The following STARD13 variants were observed in gnomAD, a reference collection of about 807,000 sequenced individuals.
STARD13 encodes stAR-related lipid transfer protein 13.
Under a neutral mutation model 106.4 loss-of-function variants are expected in STARD13, and 62 were observed. That is an observed-to-expected ratio of 0.58 (90% CI 0.48 to 0.72). The LOEUF (loss-of-function observed/expected upper bound fraction) is 0.72, where lower values mean the gene tolerates loss of function less well. Among genes scored for constraint, STARD13 ranks in the 30% least tolerant of loss-of-function variants. The pLI is 0.00. For synonymous variants in STARD13, 565 were observed against 553.0 expected, an observed-to-expected ratio of 1.02 and a Z score of -0.31; for missense variants, 1,387 against 1,424.0, an observed-to-expected ratio of 0.97 and a Z score of 0.42.
chr13:33,670,962 G>T, the STARD13 span, among the ~76,000 whole-genome samples: 2 of 152,112 alleles, frequency 1.3e-5, no homozygotes. Flanking sequence ...TTGCCTAAAA[G>T]CAATTTGACA....
the STARD13 span, among the ~76,000 whole-genome samples, chr13:33,432,554 T>C: frequency 6.6e-6 from 1 of 152,234 alleles, no homozygotes; most frequent in South Asian, 2.1e-4. Context: ...CAGAGATTAA[T>C]GTATTTCAAA....
intron 1 of STARD13, among the ~76,000 whole-genome samples, chr13:33,190,738 C>G (rs965701296): frequency 6.6e-6 from 1 of 151,974 alleles, no homozygotes; most frequent in African/African-American, 2.4e-5. Context: ...AGGCACATAC[C>G]ACCACGCCTG....
chr13:33,443,718 T>G, the STARD13 span, among the ~76,000 whole-genome samples: 1 of 151,574 alleles, frequency 6.6e-6, no homozygotes, highest in South Asian at 2.1e-4. Flanking sequence ...ACCCCGTCTC[T>G]ACTGAAAATA....
At chr13:33,606,301 CAAAAAGAA>C in the STARD13 span, among the ~76,000 whole-genome samples, 7 of 150,826 alleles carry the variant, frequency 4.6e-5, no homozygotes, top group Non-Finnish European at 1.0e-4. Context: ...AACTCCATCT[CAAAAAGAA>C]AAAAAGAAAA....
the STARD13 span, among the ~76,000 whole-genome samples, chr13:33,504,582 A>T: frequency 7.7e-6 from 1 of 130,564 alleles, no homozygotes; most frequent in Non-Finnish European, 1.6e-5. Context: ...AGGGTGGGGA[A>T]CATCACACAC....
At chr13:33,417,660 A>G in the STARD13 span, among the ~76,000 whole-genome samples, 1 of 152,200 alleles carries the variant, frequency 6.6e-6, no homozygotes, top group Non-Finnish European at 1.5e-5. Context: ...GAGAGTAGCC[A>G]GTTGAAAAGA....
chr13:33,525,211 C>G, the STARD13 span, among the ~76,000 whole-genome samples: 2 of 152,084 alleles, frequency 1.3e-5, no homozygotes, highest in South Asian at 4.2e-4. Context: ...TTTGTAGAGA[C>G]AGGGTCTCGC....
the STARD13 span, among the ~76,000 whole-genome samples, chr13:33,403,907 A>G: frequency 2.0e-5 from 3 of 152,186 alleles, no homozygotes; most frequent in East Asian, 3.9e-4. Context: ...TCACTCTCCT[A>G]TATAAATTCT....
At chr13:33,356,278 C>A in the STARD13 span, among the ~76,000 whole-genome samples, 1 of 152,232 alleles carries the variant, frequency 6.6e-6, no homozygotes, top group Admixed American at 6.5e-5. Context: ...GCTTACCACA[C>A]AACCTCGCAT....
At chr13:33,397,119 G>T in the STARD13 span, among the ~76,000 whole-genome samples, 1 of 152,164 alleles carries the variant, frequency 6.6e-6, no homozygotes, top group Admixed American at 6.5e-5. Flanking sequence ...ACTCCATGAG[G>T]CCAGGAAAGA....
At chr13:33,344,535 G>C (rs1309475917), downstream of STARD13, among the ~76,000 whole-genome samples, 1 of 152,104 alleles carries the variant, frequency 6.6e-6, no homozygotes, top group Non-Finnish European at 1.5e-5. Context: ...TTTTATTCTT[G>C]ATCTTGCTTT....
At chr13:33,496,464 C>T in the STARD13 span, among the ~76,000 whole-genome samples, 37 of 151,700 alleles carry the variant, frequency 2.4e-4, no homozygotes, top group African/African-American at 8.7e-4. Flanking sequence ...TAAAAACTTC[C>T]TCATGGTATC....
chr13:33,648,151 A>G, the STARD13 span, among the ~76,000 whole-genome samples: 2 of 152,244 alleles, frequency 1.3e-5, no homozygotes, highest in Non-Finnish European at 2.9e-5. Context: ...AACACTAAAA[A>G]GGCATATTAT....
the STARD13 span, among the ~76,000 whole-genome samples, chr13:33,358,518 T>G: frequency 3.9e-5 from 6 of 152,048 alleles, no homozygotes; most frequent in African/African-American, 1.4e-4. Flanking sequence ...CACCCTGTGT[T>G]TAGCTCAAGG....
chr13:33,293,651 T>A (rs1285402749), intron 1 of STARD13, among the ~76,000 whole-genome samples: 1 of 152,188 alleles, frequency 6.6e-6, no homozygotes, highest in Admixed American at 6.5e-5. Flanking sequence ...TTTGATTTAG[T>A]GGGCTGGGAA....
chr13:33,195,407 C>T (rs768549171), intron 1 of STARD13, among the ~76,000 whole-genome samples: 8 of 152,248 alleles, frequency 5.3e-5, no homozygotes, highest in Admixed American at 4.6e-4. Context: ...TCAAAGTCCC[C>T]GGGGACCACA....
At chr13:33,296,083 G>T (rs1039815231) in intron 1 of STARD13, among the ~76,000 whole-genome samples, 11 of 151,952 alleles carry the variant, frequency 7.2e-5, no homozygotes, top group African/African-American at 2.7e-4. Context: ...GAAAAAGTTA[G>T]TTGGGCATGG....
chr13:33,143,668 C>T (rs1357813993), intron 3 of STARD13, among the ~76,000 whole-genome samples: 1 of 152,162 alleles, frequency 6.6e-6, no homozygotes. Flanking sequence ...ATTCTCCTGC[C>T]TCAGCCTCCT....
the STARD13 span, among the ~76,000 whole-genome samples, chr13:33,515,847 T>C: frequency 6.6e-6 from 1 of 152,074 alleles, no homozygotes; most frequent in Admixed American, 6.6e-5. Flanking sequence ...AAAACAAATC[T>C]AAGATGCTTT....
Sources: gnomAD v4.1 joint callset for allele counts (sites outside exome capture counted in the v4.1 genomes callset) on GRCh38, gnomAD v4.1.1 for gene constraint, MANE v1.5 for transcripts, NCBI Gene and HGNC (gene_info 2026-07-23, HGNC 2026-07-21) for gene names.